HSPA12A: variants seen among roughly 807,000 people sequenced by gnomAD.
The protein encoded by HSPA12A is heat shock 70 kDa protein 12A.
A neutral mutation model predicts 69.2 loss-of-function variants in HSPA12A; 28 were observed. The ratio of observed to expected loss-of-function variants is 0.40; its 90% confidence interval spans 0.30 to 0.55. HSPA12A has a LOEUF of 0.55. Ranked by LOEUF, HSPA12A falls within the 20% of genes least tolerant of loss-of-function variation. The probability of loss-of-function intolerance (pLI) is 0.38; values close to 1 mark genes in which losing one functional copy is unlikely to be tolerated. For missense variants in HSPA12A, 686 were observed against 900.7 expected, an observed-to-expected ratio of 0.76 and a Z score of 3.05; for synonymous variants, 345 against 370.5, an observed-to-expected ratio of 0.93 and a Z score of 0.79.
In HSPA12A at chr10:116,679,753, A is replaced by G; in HGVS notation, c.1036T>C (p.Tyr346His). 6.2e-7 allele frequency: 1 copy of G among 1,612,986 alleles called. No homozygotes were observed. Among genetic ancestry groups the G allele is most frequent in the Non-Finnish European group, 8.5e-7 (1 of 1,179,102 alleles). ...TCATAATCTACTCCTAAAGATCCAT[A>G]GGGTCCGCCTGAATTGAGAACAAAA... is the stretch of plus-strand genomic sequence containing the variant. ...KELYKATGGP[Y>H]GSLGVDYEFE... Residue 346 changes from tyrosine (Y) to histidine (H), a missense_variant, in exon 10 of 12, where the codon TAT becomes CAT. Tyr to His is a moderately conservative substitution (Grantham distance 83). Transcript: ENST00000369209.
At chr10:116,753,554 A>G (rs1180626139) in intron 2 of HSPA12A, among the ~76,000 whole-genome samples, 1 of 152,316 alleles carries the variant, frequency 6.6e-6, no homozygotes, top group African/African-American at 2.4e-5. Flanking sequence ...CCTGCCTGTC[A>G]TAGACCTGGA....
In HSPA12A at chr10:116,723,799, C is replaced by A. The variant is rs1443706600; in HGVS notation, c.41-16514G>T. Among the ~76,000 whole-genome samples, 1 of 152,214 alleles carries A rather than the reference C, an allele frequency of 6.6e-6. No individual in the cohort carries two copies. Among genetic ancestry groups the A allele is most frequent in the Non-Finnish European group, 1.5e-5 (1 of 68,038 alleles). ...CAGCCTCTCCACCCGTTCCTTAGAT[C>A]CCGGCTGCTTCCAGTACCGAGCCAC... On this transcript the variant is annotated intron_variant, in intron 1 of 11. Coordinates refer to ENST00000369209, the MANE Select transcript of HSPA12A (RefSeq NM_025015.3). This position sits in a 1 kb window ranked among gnomAD's most constrained non-coding sequence, Gnocchi z 4.1.
chr10:116,755,673 G>C (rs1186134264), intron 2 of HSPA12A, among the ~76,000 whole-genome samples: 1 of 151,218 alleles, frequency 6.6e-6, no homozygotes, highest in Admixed American at 6.6e-5. Flanking sequence ...TATTAAGCGG[G>C]GGATTGGGAG....
In HSPA12A at chr10:116,773,252, T is replaced by C. The variant is rs79095849; in HGVS notation, c.91+61683A>G. The stretch of plus-strand genomic sequence containing the variant: ...TCCAGAGGCCCAGGATGAACTGGCC[T>C]GGGATGAGGCCCTGCTAATGAGCAA... On this transcript the variant is annotated intron_variant, in intron 2 of 12. Transcript: ENST00000635765. 2.3e-3 allele frequency among the ~76,000 whole-genome samples: 352 copies of C among 152,344 alleles called. 1 individual carries two copies. The highest frequency in any genetic ancestry group is 8.1e-3 in the African/African-American group (338 of 41,588).
Position 116,782,441 on chromosome 10 carries a change from G to C in HSPA12A, c.91+52494C>G, listed in dbSNP as rs78063067. Among the ~76,000 whole-genome samples the C allele has an allele frequency of 8.8e-3, 1,342 of 152,328 alleles. 26 individuals carry two copies. The highest frequency in any genetic ancestry group is 0.03 in the African/African-American group (1,262 of 41,576). Reference sequence around the variant, plus strand: ...CGCTTTTTGTAACAACCAAAATCGGGAGAGGGAGTTGTCCTTTGACTGAAG... The same window carrying C: ...CGCTTTTTGTAACAACCAAAATCGGCAGAGGGAGTTGTCCTTTGACTGAAG... On this transcript the variant is annotated intron_variant, in intron 2 of 12. Coordinates refer to the HSPA12A transcript ENST00000635765.
chr10:116,786,994 ACACACACACACACATACACACACGCACG>A (rs1307486471), intron 2 of HSPA12A, among the ~76,000 whole-genome samples: 2 of 68,516 alleles, frequency 2.9e-5, no homozygotes, highest in African/African-American at 7.2e-5. Flanking sequence ...ACACACACAC[ACACACACACACACATACACACACGCACG>A]CACTCACACA....
At chr10:116,799,995 T>C (rs1324288534) in intron 2 of HSPA12A, among the ~76,000 whole-genome samples, 1 of 152,138 alleles carries the variant, frequency 6.6e-6, no homozygotes, top group Non-Finnish European at 1.5e-5. Flanking sequence ...TGGTTTGTTT[T>C]TTTCCAGGGT....
At chr10:116,726,221 G>A (rs1327459590) in intron 1 of HSPA12A, among the ~76,000 whole-genome samples, 1 of 152,064 alleles carries the variant, frequency 6.6e-6, no homozygotes, top group Admixed American at 6.5e-5. Context: ...GGAGTGTGGT[G>A]TTGGGGCAGA....
At chr10:116,732,711 T>G (rs1462199555) in intron 1 of HSPA12A, among the ~76,000 whole-genome samples, 1 of 152,238 alleles carries the variant, frequency 6.6e-6, no homozygotes, top group African/African-American at 2.4e-5. Flanking sequence ...CTTCAAATAC[T>G]TTTTTAAAAT....
intron 2 of HSPA12A, among the ~76,000 whole-genome samples, chr10:116,756,223 A>G (rs540773584): frequency 6.6e-6 from 1 of 152,156 alleles, no homozygotes; most frequent in East Asian, 1.9e-4. Context: ...GATGCCTCTC[A>G]CTTCCAGGGA....
intron 1 of HSPA12A, among the ~76,000 whole-genome samples, chr10:116,837,675 A>G (rs1276976496): frequency 6.6e-6 from 1 of 152,194 alleles, no homozygotes; most frequent in African/African-American, 2.4e-5. Flanking sequence ...ATTTTAAAAT[A>G]CTTTAATACT....
rs566958615 is a variant in HSPA12A, at chr10:116,781,044, C to T, written c.91+53891G>A. Among the ~76,000 whole-genome samples the T allele has an allele frequency of 2.2e-3, 339 of 152,272 alleles. 3 individuals are homozygous for T. Among genetic ancestry groups the T allele is most frequent in the African/African-American group, 7.7e-3 (318 of 41,554 alleles). On this transcript the variant is annotated intron_variant, in intron 2 of 12. Transcript: ENST00000635765. The stretch of plus-strand genomic sequence containing the variant: ...CTTTGGGAGGCCAAGGTGAGAGGGT[C>T]GCTTGAGGCCAGGAGTTCAAAAATT...
Position 116,672,858 on chromosome 10 carries a change from A to G in HSPA12A, c.*1923T>C, listed in dbSNP as rs924656654. On this transcript the variant is annotated 3_prime_UTR_variant, in exon 12 of 12. Transcript: ENST00000369209. ...TTAGCAAAGACACCTTTGTGCCTGG[A>G]TACACAATCCTGCTACTAAGTTATG... 6.6e-6 allele frequency: 1 copy of G among 152,626 alleles called. No homozygotes were observed. The highest frequency in any genetic ancestry group is 6.5e-5 in the Admixed American group (1 of 15,276). 9.5% of individuals were successfully genotyped at this position (152,626 alleles called of 1,614,324 possible).
At chr10:116,772,310 C>CCCCCAGAG (rs1472684897) in intron 2 of HSPA12A, among the ~76,000 whole-genome samples, 2 of 152,094 alleles carry the variant, frequency 1.3e-5, no homozygotes, top group East Asian at 1.9e-4. Flanking sequence ...CCAGGACAGA[C>CCCCCAGAG]CCCCAGAGCC....
chr10:116,727,140 T>G (rs568448746), intron 1 of HSPA12A, among the ~76,000 whole-genome samples: 6 of 152,354 alleles, frequency 3.9e-5, no homozygotes, highest in African/African-American at 1.4e-4. Flanking sequence ...AGTTATCTAT[T>G]GTAATCCAAA....
Position 116,673,806 on chromosome 10 carries a change from T to C in HSPA12A, c.*975A>G, listed in dbSNP as rs530493787. ...ATTCCTTTCAAAATGTGGAATTAAA[T>C]GGCCAAAACTCTTAGGGAGATGAAG... On this transcript the variant is annotated 3_prime_UTR_variant, in exon 12 of 12. Transcript: ENST00000369209. 1.3e-5 allele frequency: 2 copies of C among 152,208 alleles called. No homozygotes were observed. The highest frequency in any genetic ancestry group is 2.9e-5 in the Non-Finnish European group (2 of 68,030). 9.4% of individuals were successfully genotyped at this position (152,208 alleles called of 1,614,324 possible).
chr10:116,835,086 G>T, intron 1 of HSPA12A: 1 of 1,041,444 alleles, frequency 9.6e-7, no homozygotes, highest in Non-Finnish European at 1.2e-6. Flanking sequence ...TTGCTCTTAA[G>T]TCGCGTACTC....
intron 5 of HSPA12A, among the ~76,000 whole-genome samples, chr10:116,694,082 CAT>C (rs1849811991): frequency 2.6e-5 from 4 of 152,200 alleles, no homozygotes; most frequent in South Asian, 2.1e-4. Flanking sequence ...TCAAAATACA[CAT>C]GAGGGGCTTC....
intron 2 of HSPA12A, among the ~76,000 whole-genome samples, chr10:116,782,416 C>T (rs141186189): frequency 5.6e-4 from 86 of 152,294 alleles, no homozygotes; most frequent in Non-Finnish European, 1.1e-3. Context: ...CTGATAGCAG[C>T]GCTTTTTGTA....
Sources: gnomAD v4.1 joint callset for allele counts (sites outside exome capture counted in the v4.1 genomes callset) on GRCh38, gnomAD v4.1.1 for gene constraint, Gnocchi (gnomAD v3.1) non-coding constraint, MANE v1.5 for transcripts, NCBI Gene and HGNC (gene_info 2026-07-23, HGNC 2026-07-21) for gene names.